Variants in NALF1 observed in about 807,000 individuals in gnomAD.
The protein encoded by NALF1 is family with sequence similarity 155 member A.
Under a neutral mutation model 48.4 loss-of-function variants are expected in NALF1, and 3 were observed. That is an observed-to-expected ratio of 0.06 (90% CI 0.03 to 0.16). NALF1 has a LOEUF of 0.16. Among genes scored for constraint, NALF1 ranks in the 10% least tolerant of loss-of-function variants. NALF1 has a pLI of 1.00. For synonymous variants in NALF1, 262 were observed against 245.7 expected (o/e 1.07, Z -0.62); for missense variants, 526 against 571.5 (o/e 0.92, Z 0.81).
At chr13:107,696,404 GACA>G (rs2138508181) in intron 1 of NALF1, among the ~76,000 whole-genome samples, 1 of 152,200 alleles carries the variant, frequency 6.6e-6, no homozygotes, top group South Asian at 2.1e-4. Context: ...TTTCATAACT[GACA>G]ACGTTACACA....
At chr13:107,659,000 ACTT>A (rs1464645881) in intron 1 of NALF1, among the ~76,000 whole-genome samples, 1 of 151,672 alleles carries the variant, frequency 6.6e-6, no homozygotes, top group Non-Finnish European at 1.5e-5. Context: ...AAACAAAACT[ACTT>A]CTAGTTACCC....
chr13:107,375,231 G>A (rs1883316990), intron 1 of NALF1, among the ~76,000 whole-genome samples: 1 of 152,098 alleles, frequency 6.6e-6, no homozygotes, highest in South Asian at 2.1e-4. Flanking sequence ...TGTATTATGT[G>A]TTTAGCTTTC....
intron 1 of NALF1, among the ~76,000 whole-genome samples, chr13:107,770,983 G>A (rs537758823): frequency 1.3e-5 from 2 of 152,198 alleles, no homozygotes; most frequent in African/African-American, 4.8e-5. Flanking sequence ...AGGAATGAGG[G>A]AGCCTGGGTG....
chr13:107,375,567 T>C (rs2138968814), intron 1 of NALF1, among the ~76,000 whole-genome samples: 1 of 152,222 alleles, frequency 6.6e-6, no homozygotes, highest in East Asian at 1.9e-4. Context: ...TATTGCATAT[T>C]TTCCATCAAT....
chr13:107,227,370 C>G (rs867939585), intron 1 of NALF1, among the ~76,000 whole-genome samples: 15 of 152,142 alleles, frequency 9.9e-5, no homozygotes, highest in Middle Eastern at 3.2e-3. Flanking sequence ...CTCCAAGCTG[C>G]CACAAATGTT....
At chr13:107,608,923 T>G (rs772552286) in intron 1 of NALF1, among the ~76,000 whole-genome samples, 3 of 152,156 alleles carry the variant, frequency 2.0e-5, no homozygotes, top group Non-Finnish European at 4.4e-5. Context: ...GTGGGACACC[T>G]GTGCTGGGCC....
chr13:107,530,318 G>T (rs558031987), intron 1 of NALF1, among the ~76,000 whole-genome samples: 13 of 152,140 alleles, frequency 8.5e-5, no homozygotes, highest in Non-Finnish European at 1.6e-4. Flanking sequence ...TTTTATATTT[G>T]TTTCCTATTT....
At chr13:107,303,323 G>A (rs1478026762) in intron 1 of NALF1, among the ~76,000 whole-genome samples, 7 of 152,002 alleles carry the variant, frequency 4.6e-5, no homozygotes, top group African/African-American at 1.2e-4. Context: ...TTACAAGATC[G>A]AATGACTGAA....
At chr13:107,225,123 C>T (rs969421438) in intron 1 of NALF1, among the ~76,000 whole-genome samples, 1 of 152,172 alleles carries the variant, frequency 6.6e-6, no homozygotes, top group African/African-American at 2.4e-5. Flanking sequence ...ATTCTCCTGC[C>T]TCAGCCTCCC....
At chr13:107,359,771 T>C (rs1286037750) in intron 1 of NALF1, among the ~76,000 whole-genome samples, 1 of 152,160 alleles carries the variant, frequency 6.6e-6, no homozygotes, top group East Asian at 1.9e-4. Context: ...TCAAAGATTC[T>C]GTCTTTGTTA....
At chr13:107,710,363 C>A (rs1875530771) in intron 1 of NALF1, among the ~76,000 whole-genome samples, 1 of 151,668 alleles carries the variant, frequency 6.6e-6, no homozygotes, top group Non-Finnish European at 1.5e-5. Context: ...ATCATCACCA[C>A]AAGCCCATAA....
At chr13:107,476,334 C>T (rs1359961418) in intron 1 of NALF1, among the ~76,000 whole-genome samples, 2 of 152,084 alleles carry the variant, frequency 1.3e-5, no homozygotes, top group African/African-American at 4.8e-5. Context: ...TGATACAAAG[C>T]TTTAGAATTT....
intron 1 of NALF1, among the ~76,000 whole-genome samples, chr13:107,735,676 G>A (rs771876746): frequency 5.9e-5 from 9 of 152,246 alleles, no homozygotes; most frequent in East Asian, 3.9e-4. Flanking sequence ...ATACCCAATC[G>A]CTTTAGTAAA....
At position 107,200,719 on chromosome 13, in the gene NALF1, G is replaced by A. The variant is rs779942635; in HGVS notation, c.1087+9865C>T. Reference sequence around the variant, plus strand: ...AAGTCTGTAACCCATGACATCAGTCGCCAGTTGGCTGGAGGAGGTGACTTG... The same window carrying A: ...AAGTCTGTAACCCATGACATCAGTCACCAGTTGGCTGGAGGAGGTGACTTG... On this transcript the variant is annotated intron_variant, in intron 2 of 2. Transcript: ENST00000375915. Among the ~76,000 whole-genome samples the A allele has an allele frequency of 3.9e-5, 6 of 152,278 alleles. No homozygotes were observed. The South Asian group carries it at 6.2e-4, about 16-fold the overall frequency.
At chr13:107,795,635 G>C (rs1423064610) in intron 1 of NALF1, among the ~76,000 whole-genome samples, 2 of 152,056 alleles carry the variant, frequency 1.3e-5, no homozygotes, top group Non-Finnish European at 2.9e-5. Flanking sequence ...ATTTATCTTA[G>C]CACAATGCTG....
chr13:107,773,314 T>C (rs1877630347), intron 1 of NALF1, among the ~76,000 whole-genome samples: 1 of 152,172 alleles, frequency 6.6e-6, no homozygotes, highest in Admixed American at 6.5e-5. Flanking sequence ...ATACACATGA[T>C]AAATCATACT....
chr13:107,733,490 A>G lies in NALF1; in HGVS notation c.915+132192T>C, dbSNP rs571438123. On this transcript the variant is annotated intron_variant, in intron 1 of 2. Coordinates refer to ENST00000375915, the MANE Select transcript of NALF1 (RefSeq NM_001080396.3). ...AATTTTGGCCATATGGAAGATTTCA[A>G]CAGCTTACAACAGTAGTTTTTAATC... Among the ~76,000 whole-genome samples the G allele has an allele frequency of 2.0e-5, 3 of 152,326 alleles. No homozygotes were observed. In the East Asian group the frequency reaches 5.8e-4, roughly 29 times the overall value.
intron 2 of NALF1, among the ~76,000 whole-genome samples, chr13:107,186,099 C>T (rs892413349): frequency 6.6e-6 from 1 of 152,290 alleles, no homozygotes; most frequent in African/African-American, 2.4e-5. Flanking sequence ...ACTGTATATA[C>T]CAACCTCCTG....
At chr13:107,537,113 A>G (rs1008433263) in intron 1 of NALF1, among the ~76,000 whole-genome samples, 4 of 152,074 alleles carry the variant, frequency 2.6e-5, no homozygotes, top group Non-Finnish European at 5.9e-5. Context: ...ATAGCATTAG[A>G]AGATATACCT....
Sources: allele counts gnomAD v4.1 joint callset (sites outside exome capture counted in the v4.1 genomes callset), GRCh38; gene constraint gnomAD v4.1.1; transcripts MANE v1.5; gene names NCBI Gene and HGNC (gene_info 2026-07-23, HGNC 2026-07-21).